The following NBPF11 variants were observed in gnomAD, a reference collection of about 807,000 sequenced individuals.
NBPF11 encodes NBPF family member NBPF11.
In NBPF11, 72 loss-of-function variants were observed where a neutral mutation model predicts 93.9. The observed-to-expected ratio is 0.77, with a 90% CI of 0.63 to 0.93. The LOEUF is 0.93. Ranked by LOEUF, NBPF11 falls within the 40% of genes least tolerant of loss-of-function variation. The pLI is 0.00. For missense variants in NBPF11, 705 were observed against 802.2 expected (o/e 0.88, Z 1.46); for synonymous variants, 224 against 304.9 (o/e 0.73, Z 2.76).
Position 148,122,388 on chromosome 1 carries a change from T to A in NBPF11, c.567-122A>T, listed in dbSNP as rs1321916452. The A allele has an allele frequency of 1.1e-5, 17 of 1,517,830 alleles. No homozygotes were observed. The African/African-American group carries it at 2.1e-4, about 19-fold the overall frequency. 94.0% of individuals were successfully genotyped at this position (1,517,830 alleles called of 1,614,324 possible). On this transcript the variant is annotated intron_variant, in intron 8 of 23. Coordinates refer to ENST00000682118, the MANE Select transcript of NBPF11 (RefSeq NM_001385469.3). ...AGTGGTCCCAGAAAACAAATGGAGG[T>A]TCCCTTTAAGAGGGAACAGGCAATC... is the stretch of plus-strand genomic sequence containing the variant.
intron 6 of NBPF11, among the ~76,000 whole-genome samples, chr1:148,124,399 CA>C: frequency 6.7e-6 from 1 of 149,488 alleles, no homozygotes; most frequent in African/African-American, 2.5e-5. Context: ...TGAAAATACA[CA>C]TAGTGCATCT....
chr1:148,102,378 A>G lies in NBPF11; in HGVS notation c.*1518T>C, dbSNP rs1428424761. ...ATGTTTAGAGGATGATCATTAGAAT[A>G]CAGGATATTTATACTCTTGAAAACC... On this transcript the variant is annotated 3_prime_UTR_variant, in exon 24 of 24. Coordinates refer to ENST00000682118, the MANE Select transcript of NBPF11 (RefSeq NM_001385469.3). 5 of 151,876 alleles carry G rather than the reference A, an allele frequency of 3.3e-5. No homozygotes were observed. The highest frequency in any genetic ancestry group is 5.9e-5 in the Non-Finnish European group (4 of 68,016). 9.4% of individuals were successfully genotyped at this position (151,876 alleles called of 1,614,324 possible). A position where few individuals can be genotyped will look rare whatever the true frequency, so the allele number is the denominator to read the frequency against.
chr1:148,137,911 C>CAG (rs1671585271), intron 2 of NBPF11, 102 bp from the exon 3 acceptor site: 1 of 144,802 alleles, frequency 6.9e-6, no homozygotes, highest in Admixed American at 7.1e-5. Context: ...GAAAGAGACA[C>CAG]AGAGACAAAG....
In NBPF11 at chr1:148,149,660, C is replaced by G. The variant is rs1436291349; in HGVS notation, c.-549+2090G>C. On this transcript the variant is annotated intron_variant, in intron 1 of 23. Coordinates refer to ENST00000682118, the MANE Select transcript of NBPF11 (RefSeq NM_001385469.3). ...CCCAGGGGCTGCATGTGGACCCCCCCGGGCGGCCCAGGGGACCCCGCCCCG... is the reference window on the plus strand; with the variant it reads ...CCCAGGGGCTGCATGTGGACCCCCCGGGGCGGCCCAGGGGACCCCGCCCCG... 476 of 1,183,586 alleles carry G rather than the reference C, an allele frequency of 4.0e-4. 2 individuals carry two copies. Among genetic ancestry groups the G allele is most frequent in the African/African-American group, 3.2e-3 (195 of 60,258 alleles). The allele number at this position is 1,183,586 out of a possible 1,614,324, so 73.3% of individuals were successfully genotyped here. A position where few individuals can be genotyped will look rare whatever the true frequency, so the allele number is the denominator to read the frequency against.
chr1:148,143,928 C>A (rs1309200083), intron 1 of NBPF11, among the ~76,000 whole-genome samples: 1 of 146,548 alleles, frequency 6.8e-6, no homozygotes, highest in African/African-American at 2.5e-5. Flanking sequence ...AGCATGGTGG[C>A]GCACACTTGC....
intron 2 of NBPF11, among the ~76,000 whole-genome samples, chr1:148,140,930 A>G (rs1672064146): frequency 6.6e-6 from 1 of 152,006 alleles, no homozygotes; most frequent in Admixed American, 6.5e-5. Context: ...GTGAATGAAT[A>G]AACAAACTGT....
chr1:148,104,327 A>T (rs1663011132), intron 23 of NBPF11, among the ~76,000 whole-genome samples: 1 of 145,722 alleles, frequency 6.9e-6, no homozygotes, highest in Admixed American at 6.8e-5. Flanking sequence ...CAGCTTTTGA[A>T]GTATGGTCCA....
At chr1:148,112,437 AATG>A (rs1665526486) in intron 15 of NBPF11, among the ~76,000 whole-genome samples, 2 of 137,496 alleles carry the variant, frequency 1.5e-5, no homozygotes, top group African/African-American at 5.6e-5. Context: ...GTTTGCTGAG[AATG>A]ATGGTTTCCA....
intron 1 of NBPF11, among the ~76,000 whole-genome samples, chr1:148,150,182 C>G (rs1172224922): frequency 2.8e-5 from 4 of 145,110 alleles, no homozygotes; most frequent in Non-Finnish European, 4.5e-5. Context: ...GGCAGGGTTG[C>G]ACTCTGCCAT....
intron 4 of NBPF11, among the ~76,000 whole-genome samples, chr1:148,132,933 G>A (rs1216745394): frequency 1.4e-5 from 2 of 143,962 alleles, no homozygotes; most frequent in Non-Finnish European, 3.0e-5. Flanking sequence ...TGTATTTTTA[G>A]TAGAGATGGG....
intron 11 of NBPF11, among the ~76,000 whole-genome samples, chr1:148,118,226 A>C (rs1181085060): frequency 6.6e-6 from 1 of 151,322 alleles, no homozygotes; most frequent in Admixed American, 6.6e-5. Flanking sequence ...AGGGTCGAGA[A>C]GGCAACATTG....
intron 14 of NBPF11, among the ~76,000 whole-genome samples, 168 bp downstream of exon 14, chr1:148,115,625 A>C (rs28483770): frequency 6.6e-6 from 1 of 151,246 alleles, no homozygotes; most frequent in Non-Finnish European, 1.5e-5. Flanking sequence ...GGGACTGGCA[A>C]ACAAAGGCAT....
rs1423938406 is a variant in NBPF11, at chr1:148,131,878, A to C, written c.-36+3794T>G. Among the ~76,000 whole-genome samples, 17 of 87,828 alleles carry C rather than the reference A, an allele frequency of 1.9e-4. No homozygotes were observed. The South Asian group carries it at 6.9e-3, about 35-fold the overall frequency. 57.6% of individuals were successfully genotyped at this position (87,828 alleles called of 152,430 possible). Reference sequence around the variant, plus strand: ...GAGCAATACCATTTTTCATTCCTACAAGTATAAGACTTCCAAGTGCTTTAT... The same window carrying C: ...GAGCAATACCATTTTTCATTCCTACCAGTATAAGACTTCCAAGTGCTTTAT... On this transcript the variant is annotated intron_variant, in intron 4 of 23. Transcript: ENST00000682118.
At chr1:148,150,624 C>T (rs1280725533) in intron 1 of NBPF11, among the ~76,000 whole-genome samples, 1 of 151,812 alleles carries the variant, frequency 6.6e-6, no homozygotes, top group African/African-American at 2.4e-5. Context: ...ACCACCAGCA[C>T]ATCAGTTTTC....
intron 3 of NBPF11, among the ~76,000 whole-genome samples, chr1:148,136,541 T>A (rs1367981136): frequency 6.6e-6 from 1 of 151,192 alleles, no homozygotes; most frequent in Non-Finnish European, 1.5e-5. Context: ...ATAATAATGG[T>A]TTCAAGAAAT....
At chr1:148,140,188 C>G (rs1448087458) in intron 2 of NBPF11, among the ~76,000 whole-genome samples, 2 of 152,034 alleles carry the variant, frequency 1.3e-5, no homozygotes, top group African/African-American at 4.8e-5. Flanking sequence ...GCAAAGATAG[C>G]CTTTCCAACT....
At chr1:148,144,491 C>T (rs2746941) in intron 1 of NBPF11, among the ~76,000 whole-genome samples, 16 of 151,570 alleles carry the variant, frequency 1.1e-4, no homozygotes, top group Admixed American at 2.6e-4. Context: ...TCATGCCAGG[C>T]GAGGTCAAGT....
chr1:148,112,044 A>G (rs1665408016), intron 15 of NBPF11, among the ~76,000 whole-genome samples: 1 of 146,556 alleles, frequency 6.8e-6, no homozygotes, highest in Non-Finnish European at 1.5e-5. Flanking sequence ...TCAGACTAGC[A>G]GCAGATCTCT....
At chr1:148,146,123 C>G (rs1402640881) in intron 1 of NBPF11, among the ~76,000 whole-genome samples, 1 of 151,764 alleles carries the variant, frequency 6.6e-6, no homozygotes, top group Non-Finnish European at 1.5e-5. Flanking sequence ...AGCCATGGAG[C>G]GCGGCCCTGG....
Sources: gnomAD v4.1 joint callset for allele counts (sites outside exome capture counted in the v4.1 genomes callset) on GRCh38, gnomAD v4.1.1 for gene constraint, MANE v1.5 for transcripts, NCBI Gene and HGNC (gene_info 2026-07-23, HGNC 2026-07-21) for gene names.